The following ETV6 variants were observed in gnomAD, a reference collection of about 807,000 sequenced individuals.
The protein encoded by ETV6 is ETS variant transcription factor 6.
In ETV6, 16 loss-of-function variants were observed where a neutral mutation model predicts 51.1. The ratio of observed to expected loss-of-function variants is 0.31; its 90% CI spans 0.21 to 0.48. The LOEUF is 0.48. ETV6 is among the 20% of genes least tolerant of loss of function. The pLI, the probability that ETV6 is intolerant of heterozygous loss-of-function variation, is 0.99. For synonymous variants in ETV6, 240 were observed against 224.1 expected (o/e 1.07, Z -0.64); for missense variants, 458 against 594.8 (o/e 0.77, Z 2.39).
intron 1 of ETV6, among the ~76,000 whole-genome samples, chr12:11,697,672 A>G (rs766449933): frequency 4.6e-5 from 7 of 152,232 alleles, no homozygotes; most frequent in Admixed American, 6.5e-5. Flanking sequence ...TGTTACTGTA[A>G]GAGCAATGGA....
intron 1 of ETV6, among the ~76,000 whole-genome samples, chr12:11,650,486 AAAAAAAAAACAAAAAAC>A (rs1413860011): frequency 5.1e-5 from 3 of 59,382 alleles, no homozygotes; most frequent in Admixed American, 1.9e-4. Context: ...GCGCTTAAAA[AAAAAAAAAACAAAAAAC>A]AAAAAAAAAA....
At chr12:11,688,691 C>A (rs1223957471) in intron 1 of ETV6, among the ~76,000 whole-genome samples, 1 of 152,174 alleles carries the variant, frequency 6.6e-6, no homozygotes, top group Non-Finnish European at 1.5e-5. Flanking sequence ...TTTAGGGCAA[C>A]CGTAGAAACC....
At chr12:11,653,525 C>T (rs971373966) in intron 1 of ETV6, among the ~76,000 whole-genome samples, 2 of 152,150 alleles carry the variant, frequency 1.3e-5, no homozygotes, top group African/African-American at 4.8e-5. Context: ...ACTCTGGGCT[C>T]CTTGGGTTTA....
At chr12:11,849,257 C>T (rs908348253) in intron 3 of ETV6, among the ~76,000 whole-genome samples, 7 of 151,930 alleles carry the variant, frequency 4.6e-5, no homozygotes, top group African/African-American at 1.2e-4. Flanking sequence ...ACAATGGGCA[C>T]GCATCACCAC....
At chr12:11,829,836 C>A (rs1415524077) in intron 2 of ETV6, among the ~76,000 whole-genome samples, 2 of 152,118 alleles carry the variant, frequency 1.3e-5, no homozygotes, top group African/African-American at 4.8e-5. Context: ...TACAGGCTAA[C>A]CTTGAGGACA....
intron 2 of ETV6, among the ~76,000 whole-genome samples, chr12:11,771,688 T>G (rs1457558250): frequency 6.6e-6 from 1 of 152,202 alleles, no homozygotes; most frequent in African/African-American, 2.4e-5. Flanking sequence ...CCTGTAGAAT[T>G]CTGGCCGTGA....
intron 1 of ETV6, among the ~76,000 whole-genome samples, chr12:11,732,212 GTCTCTGCAAAGTAATATT>G (rs569373032): frequency 6.6e-6 from 1 of 152,314 alleles, no homozygotes; most frequent in South Asian, 2.1e-4. Flanking sequence ...ACGTGGAAAT[GTCTCTGCAAAGTAATATT>G]TCTGGTTTCT....
At chr12:11,660,422 T>C (rs1291254777) in intron 1 of ETV6, among the ~76,000 whole-genome samples, 1 of 151,866 alleles carries the variant, frequency 6.6e-6, no homozygotes, top group African/African-American at 2.4e-5. Flanking sequence ...CTGGCCAACA[T>C]GGTGAAACCC....
intron 1 of ETV6, among the ~76,000 whole-genome samples, chr12:11,745,803 A>T (rs80052702): frequency 0.018 from 2,678 of 152,302 alleles, 41 homozygotes; most frequent in Non-Finnish European, 0.029. Flanking sequence ...GTTAAAGACA[A>T]TGTTAGGATA....
At chr12:11,743,618 ATCT>A (rs1865851384) in intron 1 of ETV6, among the ~76,000 whole-genome samples, 1 of 152,128 alleles carries the variant, frequency 6.6e-6, no homozygotes, top group South Asian at 2.1e-4. Context: ...GAGAATATAA[ATCT>A]TCTCCCCTGG....
chr12:11,816,744 G>T (rs58153236), intron 2 of ETV6, among the ~76,000 whole-genome samples: 2 of 152,174 alleles, frequency 1.3e-5, no homozygotes, highest in Non-Finnish European at 2.9e-5. Flanking sequence ...GATGGTGGGG[G>T]CACCACACAA....
rs1015874276 is a variant in ETV6 at position 11,843,449 on chromosome 12, C to G, written c.328+4145C>G. 2.6e-5 allele frequency among the ~76,000 whole-genome samples: 4 copies of G among 152,194 alleles called. No individual in the cohort carries two copies. In the South Asian group the frequency reaches 8.3e-4, roughly 32 times the overall value. ...CACAAATCACGTCACTTCACTTGGCCTTATTTTCCTCATCCACAAAATGCA... is the reference window on the plus strand; with the variant it reads ...CACAAATCACGTCACTTCACTTGGCGTTATTTTCCTCATCCACAAAATGCA... On this transcript the variant is annotated intron_variant, in intron 3 of 7. Coordinates refer to ENST00000396373, the MANE Select transcript of ETV6 (RefSeq NM_001987.5).
intron 2 of ETV6, among the ~76,000 whole-genome samples, chr12:11,759,793 C>G (rs1282799972): frequency 6.6e-6 from 1 of 152,072 alleles, no homozygotes; most frequent in African/African-American, 2.4e-5. Context: ...ATGTGCTTCT[C>G]TAAGTTACTT....
At chr12:11,673,145 CT>C (rs1396948999) in intron 1 of ETV6, among the ~76,000 whole-genome samples, 1 of 152,136 alleles carries the variant, frequency 6.6e-6, no homozygotes, top group Non-Finnish European at 1.5e-5. Context: ...ATTTGTGGCT[CT>C]GAGGGTGCCA....
intron 1 of ETV6, among the ~76,000 whole-genome samples, chr12:11,713,376 C>T (rs551382512): frequency 2.0e-5 from 3 of 152,244 alleles, no homozygotes; most frequent in South Asian, 2.1e-4. Context: ...CTAGACTTTC[C>T]GTTAAGATTA....
chr12:11,728,990 A>G lies in ETV6; in HGVS notation c.34-23460A>G, dbSNP rs559608843. On this transcript the variant is annotated intron_variant, in intron 1 of 7. Transcript: ENST00000396373. The stretch of plus-strand genomic sequence containing the variant: ...TAATATCAAAATGATAATATGTACT[A>G]CGGTAGGTTGGGCTTTACAGCTTAC... 2.6e-5 allele frequency among the ~76,000 whole-genome samples: 4 copies of G among 152,336 alleles called. No homozygotes were observed. In the East Asian group the frequency reaches 7.7e-4, roughly 29 times the overall value.
chr12:11,664,427 T>G (rs1591594133), intron 1 of ETV6, among the ~76,000 whole-genome samples: 1 of 152,118 alleles, frequency 6.6e-6, no homozygotes, highest in Non-Finnish European at 1.5e-5. Context: ...TTGGTGGAGG[T>G]TTCTGTTACA....
chr12:11,861,993 A>T (rs1946724915), intron 4 of ETV6, among the ~76,000 whole-genome samples: 1 of 152,110 alleles, frequency 6.6e-6, no homozygotes, highest in Non-Finnish European at 1.5e-5. Flanking sequence ...GACTGTGAGG[A>T]CTGTGAGGCC....
chr12:11,751,505 A>C, intron 1 of ETV6: 1 of 511,904 alleles, frequency 2.0e-6, no homozygotes, highest in Non-Finnish European at 3.9e-6. Flanking sequence ...TCTAAGCTAC[A>C]AATTGCACTG....
Sources: allele counts gnomAD v4.1 joint callset (sites outside exome capture counted in the v4.1 genomes callset), GRCh38; gene constraint gnomAD v4.1.1; transcripts MANE v1.5; gene names NCBI Gene and HGNC (gene_info 2026-07-23, HGNC 2026-07-21).